The following ZMAT4 variants were observed in gnomAD, a reference collection of about 807,000 sequenced individuals.
ZMAT4 encodes zinc finger matrin-type protein 4.
ZMAT4 carries 17 observed loss-of-function variants against 28.7 expected under a neutral mutation model. The observed-to-expected ratio is 0.59, with a 90% confidence interval of 0.41 to 0.89. The LOEUF (loss-of-function observed/expected upper bound fraction) is 0.89, where lower values mean the gene tolerates loss of function less well. Ranked by LOEUF, ZMAT4 falls within the 40% of genes least tolerant of loss-of-function variation. ZMAT4 has a pLI of 0.00. For synonymous variants in ZMAT4, 117 were observed against 109.2 expected (o/e 1.07, Z -0.44); for missense variants, 240 against 283.8 (o/e 0.85, Z 1.11).
At chr8:40,611,502 G>A (rs2118656833) in intron 5 of ZMAT4, among the ~76,000 whole-genome samples, 2 of 152,184 alleles carry the variant, frequency 1.3e-5, no homozygotes, top group East Asian at 3.9e-4. Flanking sequence ...CACCACGCCA[G>A]GCTAATTTTT....
At chr8:40,666,161 T>G (rs931711907) in intron 5 of ZMAT4, among the ~76,000 whole-genome samples, 1 of 152,224 alleles carries the variant, frequency 6.6e-6, no homozygotes, top group Admixed American at 6.5e-5. Context: ...ATCTGTGTTT[T>G]ATACTGGCAA....
chr8:40,849,521 G>T (rs1287066269), intron 1 of ZMAT4, among the ~76,000 whole-genome samples: 1 of 152,106 alleles, frequency 6.6e-6, no homozygotes, highest in Non-Finnish European at 1.5e-5. Flanking sequence ...ATTTCCCAGG[G>T]ATGCCACCTG....
chr8:40,893,661 T>C (rs1818771160), intron 1 of ZMAT4, among the ~76,000 whole-genome samples: 1 of 152,204 alleles, frequency 6.6e-6, no homozygotes, highest in Non-Finnish European at 1.5e-5. Context: ...TCTTTTGTTT[T>C]CTTTCCAACT....
At chr8:40,806,698 T>A (rs7822905) in intron 2 of ZMAT4, among the ~76,000 whole-genome samples, 77,150 of 151,748 alleles carry the variant, frequency 0.51, 20,061 homozygotes, top group Middle Eastern at 0.63. Flanking sequence ...TGCATCTGTA[T>A]TGCTACATAC....
At chr8:40,532,292 A>G (rs1802714233) in intron 6 of ZMAT4, 54 bp from the exon 7 acceptor site, 5 of 1,533,066 alleles carry the variant, frequency 3.3e-6, no homozygotes, top group Admixed American at 1.9e-5. Context: ...ACAAATTCCA[A>G]CACCTCTTTC....
chr8:40,761,445 G>A (rs962963126), intron 3 of ZMAT4, among the ~76,000 whole-genome samples: 11 of 151,872 alleles, frequency 7.2e-5, no homozygotes, highest in East Asian at 1.9e-4. Flanking sequence ...CAGGCGCCCC[G>A]TCATGGTACA....
intron 3 of ZMAT4, among the ~76,000 whole-genome samples, chr8:40,704,584 A>G (rs1427550891): frequency 6.6e-6 from 1 of 152,244 alleles, no homozygotes; most frequent in Non-Finnish European, 1.5e-5. Flanking sequence ...TCTTTCTAAA[A>G]ACATCTTAAA....
At chr8:40,585,550 G>A (rs1384573151) in intron 5 of ZMAT4, among the ~76,000 whole-genome samples, 2 of 151,874 alleles carry the variant, frequency 1.3e-5, no homozygotes, top group Non-Finnish European at 2.9e-5. Context: ...TACTCCTTTT[G>A]GGAACTTAAA....
chr8:40,784,710 G>A lies in ZMAT4; in HGVS notation c.103-16980C>T, dbSNP rs1049158855. Among the ~76,000 whole-genome samples the A allele has an allele frequency of 4.6e-5, 7 of 152,072 alleles. 1 individual carries two copies. Among genetic ancestry groups the A allele is most frequent in the Admixed American group, 2.0e-4 (3 of 15,272 alleles). Reference sequence around the variant, plus strand: ...GATGGACGTGAAGACACACTGCCCCGATCCCCATTCAACGGAGAATCATTA... The same window carrying A: ...GATGGACGTGAAGACACACTGCCCCAATCCCCATTCAACGGAGAATCATTA... On this transcript the variant is annotated intron_variant, in intron 2 of 6. Transcript: ENST00000297737.
In ZMAT4 at chr8:40,641,322, G is replaced by A. The variant is rs552087894; in HGVS notation, c.577+33382C>T. Reference sequence around the variant, plus strand: ...TGAGGCTTTGATGTCACAATATAATGGAAAAAAAAGTCAAACTTTATGTGG... The same window carrying A: ...TGAGGCTTTGATGTCACAATATAATAGAAAAAAAAGTCAAACTTTATGTGG... On this transcript the variant is annotated intron_variant, in intron 5 of 6. Transcript: ENST00000297737. 6.2e-4 allele frequency among the ~76,000 whole-genome samples: 94 copies of A among 151,950 alleles called. 1 individual carries two copies. Among genetic ancestry groups the A allele is most frequent in the African/African-American group, 2.2e-3 (91 of 41,450 alleles).
At chr8:40,568,991 C>T (rs985233688) in intron 6 of ZMAT4, among the ~76,000 whole-genome samples, 4 of 152,170 alleles carry the variant, frequency 2.6e-5, no homozygotes, top group African/African-American at 9.7e-5. Context: ...GTACAATCAT[C>T]TCTATAATCA....
chr8:40,797,749 C>A (rs1159337536), intron 2 of ZMAT4, among the ~76,000 whole-genome samples: 1 of 152,158 alleles, frequency 6.6e-6, no homozygotes, highest in East Asian at 1.9e-4. Context: ...GGAAATGTTG[C>A]CACCAGTAAG....
intron 2 of ZMAT4, among the ~76,000 whole-genome samples, chr8:40,810,481 G>A (rs544693621): frequency 6.6e-6 from 1 of 152,288 alleles, no homozygotes; most frequent in Admixed American, 6.5e-5. Context: ...TACAAGGAAA[G>A]AACGAATTGT....
chr8:40,701,610 T>C (rs1374632040), intron 3 of ZMAT4, among the ~76,000 whole-genome samples: 2 of 141,898 alleles, frequency 1.4e-5, no homozygotes, highest in Non-Finnish European at 3.0e-5. Flanking sequence ...CTCCACCTCC[T>C]GGGTTCCAGT....
intron 5 of ZMAT4, among the ~76,000 whole-genome samples, chr8:40,587,738 T>G (rs998920478): frequency 1.3e-5 from 2 of 151,962 alleles, no homozygotes; most frequent in South Asian, 4.2e-4. Context: ...AGAAAACAGA[T>G]AGCAAAATTA....
At chr8:40,618,427 A>C (rs1003839142) in intron 5 of ZMAT4, among the ~76,000 whole-genome samples, 1 of 152,198 alleles carries the variant, frequency 6.6e-6, no homozygotes, top group African/African-American at 2.4e-5. Context: ...TTGACACCAG[A>C]TATATTTCAT....
chr8:40,582,177 G>T (rs972809625), intron 5 of ZMAT4, among the ~76,000 whole-genome samples: 21 of 152,158 alleles, frequency 1.4e-4, no homozygotes, highest in African/African-American at 4.6e-4. Flanking sequence ...TCTACAAGAC[G>T]AAGACAAGGC....
intron 5 of ZMAT4, among the ~76,000 whole-genome samples, chr8:40,607,241 C>G (rs2118641396): frequency 6.6e-6 from 1 of 151,012 alleles, no homozygotes; most frequent in Middle Eastern, 3.4e-3. Context: ...TCTCCTGCCT[C>G]AGCCTCCTGA....
rs111761901 is a variant in ZMAT4 at position 40,680,700 on chromosome 8, G to GCACACACACA, written c.350-5770_350-5769insTGTGTGTGTG. Among the ~76,000 whole-genome samples the GCACACACACA allele has an allele frequency of 4.2e-4, 63 of 149,212 alleles. 1 individual carries two copies. The highest frequency in any genetic ancestry group is 1.4e-3 in the African/African-American group (57 of 40,458). On this transcript the variant is annotated intron_variant, in intron 4 of 6. Coordinates refer to ENST00000297737, the MANE Select transcript of ZMAT4 (RefSeq NM_024645.3). ...CTCTCTCTGTCTCTACATGTCTAAT[G>GCACACACACA]TACACACACACACACACACACACAC...
Sources: gnomAD v4.1 joint callset for allele counts (sites outside exome capture counted in the v4.1 genomes callset) on GRCh38, gnomAD v4.1.1 for gene constraint, MANE v1.5 for transcripts, NCBI Gene and HGNC (gene_info 2026-07-23, HGNC 2026-07-21) for gene names.